MYO18B: variants seen among roughly 807,000 people sequenced by gnomAD.
MYO18B encodes the protein myosin XVIIIB.
Under a neutral mutation model 273.0 loss-of-function variants are expected in MYO18B, and 204 were observed. The observed-to-expected ratio is 0.75, with a 90% CI of 0.67 to 0.84. MYO18B has a LOEUF of 0.84. MYO18B is among the 40% of genes least tolerant of loss of function. The pLI, the probability that MYO18B is intolerant of heterozygous loss-of-function variation, is 0.00. For missense variants in MYO18B, 3,212 were observed against 3,287.6 expected, an observed-to-expected ratio of 0.98 and a Z score of 0.56; for synonymous variants, 1,330 against 1,305.7, an observed-to-expected ratio of 1.02 and a Z score of -0.40.
rs778966311 is a variant in MYO18B, at chr22:26,026,818, C to T, written c.6844C>T (p.Gln2282Ter). The change falls in exon 43 of 44, where the codon CAG becomes TAG. Residue 2282 changes from glutamine (Q) to a stop codon, truncating the protein, a stop_gained. Transcript: ENST00000335473. LOFTEE classifies it high-confidence loss of function. ...LEDWPTLPIYQTTGASTLRRG... is the reference protein window; with the variant it reads ...LEDWPTLPIY ...GGACTGGCCCACTCTCCCCATTTAC[C>T]AGACGACTGGGGCCTCCACACTAAG... The T allele has an allele frequency of 6.3e-7, 1 of 1,594,224 alleles. No homozygotes were observed. The highest frequency in any genetic ancestry group is 8.5e-7 in the Non-Finnish European group (1 of 1,170,664).
downstream of MYO18B, among the ~76,000 whole-genome samples, chr22:26,032,378 T>A (rs1363954311): frequency 1.3e-5 from 2 of 152,156 alleles, no homozygotes; most frequent in Non-Finnish European, 2.9e-5. Context: ...AGATAGTCGC[T>A]TTCTTGCTGT....
intron 32 of MYO18B, 58 bp from the exon 33 acceptor site, chr22:25,910,888 G>C: frequency 7.3e-7 from 1 of 1,372,362 alleles, no homozygotes; most frequent in Non-Finnish European, 1.0e-6. Context: ...TTGCCTTGTA[G>C]GATGTGTCTG....
Position 25,769,282 on chromosome 22 carries a change from G to A in MYO18B, c.1366G>A (p.Ala456Thr), listed in dbSNP as rs1356435143. ...EEPCSRAGDG[A>T]GALETELEGP... ...GCCCTGCTCAAGAGCAGGTGATGGG[G>A]CTGGTGCCCTGGAGACAGAGCTGGA... Residue 456 changes from alanine (A) to threonine (T), a missense_variant, in exon 4 of 44, where the codon GCT (alanine) becomes ACT (threonine). Physicochemically the swap from Ala to Thr is moderately conservative, Grantham distance 58. Coordinates refer to ENST00000335473, the MANE Select transcript of MYO18B (RefSeq NM_032608.7). 2 of 1,585,870 alleles carry A rather than the reference G, an allele frequency of 1.3e-6. No individual in the cohort carries two copies. Among genetic ancestry groups the A allele is most frequent in the Non-Finnish European group, 1.7e-6 (2 of 1,166,518 alleles).
Position 25,955,172 on chromosome 22 carries a change from C to T in MYO18B, c.5971-7C>T. 1.9e-6 allele frequency: 3 copies of T among 1,594,008 alleles called. No homozygotes were observed. The highest frequency in any genetic ancestry group is 2.6e-6 in the Non-Finnish European group (3 of 1,168,830). On this transcript the variant is annotated splice_region_variant and splice_polypyrimidine_tract_variant and intron_variant, in intron 38 of 43. Coordinates refer to ENST00000335473, the MANE Select transcript of MYO18B (RefSeq NM_032608.7). ...CCAAGGTGGGCATGTGTCTCTGCCC[C>T]TCCCAGGTCCTGGTGATCCGGCTTC...
chr22:25,939,165 T>TGTA (rs1165290970), intron 34 of MYO18B, among the ~76,000 whole-genome samples: 3 of 152,242 alleles, frequency 2.0e-5, no homozygotes, highest in Admixed American at 6.5e-5. Flanking sequence ...CATGTATGCA[T>TGTA]TACCTCCTTT....
rs78866435 is a variant in MYO18B at position 26,003,585 on chromosome 22, G to A, written c.6332+276G>A. Among the ~76,000 whole-genome samples the A allele has an allele frequency of 4.5e-3, 678 of 152,302 alleles. 5 individuals carry two copies. The highest frequency in any genetic ancestry group is 0.016 in the African/African-American group (652 of 41,562). ...CCCAGAACAGACTTTTTACACTGAT[G>A]TTTGTATTCTGCACATTCAGACCCT... On this transcript the variant is annotated intron_variant, in intron 41 of 43. Coordinates refer to ENST00000335473, the MANE Select transcript of MYO18B (RefSeq NM_032608.7).
Position 25,989,626 on chromosome 22 carries a change from CAAAAAAAAAA to C in MYO18B, c.6157-2720_6157-2711del, listed in dbSNP as rs56004208. Among the ~76,000 whole-genome samples the C allele has an allele frequency of 1.5e-4, 13 of 88,594 alleles. No individual in the cohort carries two copies. The East Asian group carries it at 1.9e-3, about 13-fold the overall frequency. 58.1% of individuals were successfully genotyped at this position (88,594 alleles called of 152,430 possible). On this transcript the variant is annotated intron_variant, in intron 39 of 43. Transcript: ENST00000335473. ...TGAAACCCTGTCTCTACTAAAAATA[CAAAAAAAAAA>C]AAAAAAAAAAAAAAAAGCCAGCGTG...
At chr22:25,838,383 A>G (rs973639312) in intron 17 of MYO18B, among the ~76,000 whole-genome samples, 1 of 152,058 alleles carries the variant, frequency 6.6e-6, no homozygotes, top group African/African-American at 2.4e-5. Context: ...TATTTTTAAT[A>G]GAGATGGGGT....
intron 25 of MYO18B, chr22:25,884,965 A>T (rs2091454447): frequency 6.6e-6 from 1 of 152,156 alleles, no homozygotes; most frequent in African/African-American, 2.4e-5. Flanking sequence ...ACCAATAAAT[A>T]TATTTTTTAA....
rs143090640 is a variant in MYO18B at position 25,877,776 on chromosome 22, C to T, written c.4225-183C>T. ...AGCCACTGTGCCCAGCCAAAACCTA[C>T]TTTTTACAAGCAATTTTGAAATATA... On this transcript the variant is annotated intron_variant, in intron 24 of 43. Transcript: ENST00000335473. 1.8e-3 allele frequency among the ~76,000 whole-genome samples: 278 copies of T among 152,264 alleles called. 1 individual carries two copies. The highest frequency in any genetic ancestry group is 5.4e-3 in the African/African-American group (226 of 41,546).
chr22:25,761,240 C>T, intron 2 of MYO18B, 109 bp downstream of exon 2: 1 of 1,236,460 alleles, frequency 8.1e-7, no homozygotes, highest in South Asian at 1.2e-5. Flanking sequence ...ACATCCAGCC[C>T]TCCTAGTAGC....
chr22:26,036,367 G>A, the MYO18B span, among the ~76,000 whole-genome samples: 5 of 152,210 alleles, frequency 3.3e-5, no homozygotes, highest in Non-Finnish European at 5.9e-5. Flanking sequence ...CCATTCCTGT[G>A]TGTCTGTGAG....
At chr22:25,935,347 T>C (rs976912676) in intron 34 of MYO18B, among the ~76,000 whole-genome samples, 1 of 152,134 alleles carries the variant, frequency 6.6e-6, no homozygotes, top group Admixed American at 6.5e-5. Context: ...AAGAGTAAGT[T>C]GTAAAAGTGG....
At chr22:25,810,432 A>AC (rs2088694492) in intron 12 of MYO18B, among the ~76,000 whole-genome samples, 1 of 122,716 alleles carries the variant, frequency 8.1e-6, no homozygotes, top group African/African-American at 3.2e-5. Context: ...AATAGGCTAT[A>AC]ATTTTTTTTT....
At chr22:25,830,339 C>G (rs988864661) in intron 15 of MYO18B, among the ~76,000 whole-genome samples, 3 of 152,026 alleles carry the variant, frequency 2.0e-5, no homozygotes, top group Non-Finnish European at 2.9e-5. Context: ...CATAATAATG[C>G]TGCGTAATAA....
intron 34 of MYO18B, among the ~76,000 whole-genome samples, chr22:25,927,343 A>C (rs1222343156): frequency 1.3e-5 from 2 of 152,162 alleles, no homozygotes; most frequent in Non-Finnish European, 2.9e-5. Flanking sequence ...CTGGAGGTAT[A>C]GGCTTATAAA....
At chr22:25,817,437 C>A (rs890077151) in intron 12 of MYO18B, among the ~76,000 whole-genome samples, 3 of 136,640 alleles carry the variant, frequency 2.2e-5, no homozygotes, top group African/African-American at 8.1e-5. Flanking sequence ...CCTTTCCTTT[C>A]CCTTTCTCTT....
chr22:25,831,779 A>C (rs901570523), intron 15 of MYO18B, among the ~76,000 whole-genome samples: 1 of 152,198 alleles, frequency 6.6e-6, no homozygotes, highest in African/African-American at 2.4e-5. Flanking sequence ...GGTTCTCAGT[A>C]AATATTTTAA....
intron 12 of MYO18B, among the ~76,000 whole-genome samples, chr22:25,799,250 A>G (rs1320305902): frequency 2.0e-5 from 3 of 151,676 alleles, no homozygotes; most frequent in Non-Finnish European, 2.9e-5. Context: ...TTTCTACAAC[A>G]TAGACCCGTA....
Sources: gnomAD v4.1 joint callset for allele counts (sites outside exome capture counted in the v4.1 genomes callset) on GRCh38, gnomAD v4.1.1 for gene constraint, MANE v1.5 for transcripts, NCBI Gene and HGNC (gene_info 2026-07-23, HGNC 2026-07-21) for gene names.